Variants in SCMH1 observed in about 807,000 individuals in gnomAD.
SCMH1 encodes the protein Scm polycomb group protein homolog 1.
Under a neutral mutation model 70.8 loss-of-function variants are expected in SCMH1, and 37 were observed. The ratio of observed to expected loss-of-function variants is 0.52; its 90% CI spans 0.40 to 0.69. The LOEUF (loss-of-function observed/expected upper bound fraction) is 0.69, where lower values mean the gene tolerates loss of function less well. Among genes scored for constraint, SCMH1 ranks in the 30% least tolerant of loss-of-function variants. SCMH1 has a pLI of 0.00. For synonymous variants in SCMH1, 292 were observed against 307.4 expected, an observed-to-expected ratio of 0.95 and a Z score of 0.52; for missense variants, 607 against 827.3, an observed-to-expected ratio of 0.73 and a Z score of 3.27.
intron 1 of SCMH1, among the ~76,000 whole-genome samples, chr1:41,223,574 G>A (rs1028036097): frequency 6.6e-6 from 1 of 151,584 alleles, no homozygotes; most frequent in African/African-American, 2.4e-5. Flanking sequence ...ATTTCATTTA[G>A]GGCAGGGACT....
chr1:41,043,912 T>A (rs1228215204), intron 12 of SCMH1: 1 of 152,180 alleles, frequency 6.6e-6, no homozygotes, highest in Non-Finnish European at 1.5e-5. Context: ...CAAGTATGTA[T>A]ATTTATATGT....
At chr1:41,164,667 C>T (rs1646293786) in intron 2 of SCMH1, among the ~76,000 whole-genome samples, 3 of 152,110 alleles carry the variant, frequency 2.0e-5, no homozygotes, top group African/African-American at 4.8e-5. Context: ...CAAAAGCCAA[C>T]CCTCCATTTT....
chr1:41,184,779 G>A (rs970441859), intron 2 of SCMH1, among the ~76,000 whole-genome samples: 2 of 152,094 alleles, frequency 1.3e-5, no homozygotes, highest in African/African-American at 4.8e-5. Flanking sequence ...CAAGCTGAGA[G>A]AAAATTCACA....
At chr1:41,070,855 G>C (rs1656232750) in intron 9 of SCMH1, 134 bp from the exon 10 acceptor site, 4 of 1,101,848 alleles carry the variant, frequency 3.6e-6, no homozygotes, top group Non-Finnish European at 5.2e-6. Context: ...TCTCTACACA[G>C]CATCTGGCTT....
chr1:41,176,120 C>T (rs1353894889), intron 2 of SCMH1, among the ~76,000 whole-genome samples: 1 of 116,926 alleles, frequency 8.6e-6, no homozygotes, highest in Non-Finnish European at 1.7e-5. Flanking sequence ...GCAACCAATG[C>T]AATTTAGAAA....
chr1:41,224,160 CATAGA>C (rs1348990335), intron 1 of SCMH1, among the ~76,000 whole-genome samples: 5 of 152,156 alleles, frequency 3.3e-5, no homozygotes, highest in East Asian at 1.9e-4. Context: ...ACCTAATTTG[CATAGA>C]ATAGAAGCTT....
At chr1:41,062,649 G>C (rs1653092600) in intron 10 of SCMH1, among the ~76,000 whole-genome samples, 1 of 151,296 alleles carries the variant, frequency 6.6e-6, no homozygotes, top group Non-Finnish European at 1.5e-5. Context: ...TGAGGAAGGA[G>C]AATTGCTTGA....
intron 12 of SCMH1, among the ~76,000 whole-genome samples, chr1:41,042,723 C>T (rs968998201): frequency 2.0e-5 from 3 of 152,196 alleles, no homozygotes; most frequent in African/African-American, 7.2e-5. Context: ...CTGCTTTCAC[C>T]ACATACATGT....
At chr1:41,041,309 A>G (rs1444233601) in intron 12 of SCMH1, 1 of 152,332 alleles carries the variant, frequency 6.6e-6, no homozygotes, top group East Asian at 1.9e-4. Flanking sequence ...TTAATTACTT[A>G]CCATATGACA....
At chr1:41,171,005 AC>A (rs2148506122) in intron 2 of SCMH1, among the ~76,000 whole-genome samples, 2 of 152,364 alleles carry the variant, frequency 1.3e-5, no homozygotes, top group South Asian at 4.1e-4. Context: ...TCATCTTGTT[AC>A]TTTTTGTCTT....
At chr1:41,178,515 G>A (rs1647683903) in intron 2 of SCMH1, among the ~76,000 whole-genome samples, 1 of 152,066 alleles carries the variant, frequency 6.6e-6, no homozygotes, top group Non-Finnish European at 1.5e-5. Flanking sequence ...ACACACATAG[G>A]CTCAAAATAA....
intron 4 of SCMH1, among the ~76,000 whole-genome samples, chr1:41,157,038 C>T (rs895813278): frequency 2.0e-5 from 3 of 150,014 alleles, no homozygotes; most frequent in Non-Finnish European, 3.0e-5. Context: ...CTCACTGTAA[C>T]CCCGATCTGG....
intron 1 of SCMH1, among the ~76,000 whole-genome samples, chr1:41,235,196 A>AT (rs1262262066): frequency 6.6e-6 from 1 of 152,208 alleles, no homozygotes; most frequent in Non-Finnish European, 1.5e-5. Flanking sequence ...GTTCACTCTA[A>AT]TATTAGTGGT....
chr1:41,047,887 C>T (rs933657562), intron 11 of SCMH1, among the ~76,000 whole-genome samples: 10 of 152,156 alleles, frequency 6.6e-5, no homozygotes, highest in African/African-American at 2.4e-4. Context: ...TTCTATTCTC[C>T]CCTTCTCCTG....
intron 12 of SCMH1, among the ~76,000 whole-genome samples, chr1:41,045,467 A>C (rs918097561): frequency 3.3e-5 from 5 of 152,332 alleles, no homozygotes; most frequent in Admixed American, 3.3e-4. Context: ...CACATTCTCT[A>C]GAAGCAGTGC....
rs540862827 is a variant in SCMH1 at position 41,046,925 on chromosome 1, T to A, written c.1307-327A>T. ...ACTTGGTTGGACCTCCCCCAGGAAA[T>A]CTGCTCATTTAGGGTGCTATTTTCA... On this transcript the variant is annotated intron_variant, in intron 11 of 14. Transcript: ENST00000337495. 2.0e-5 allele frequency among the ~76,000 whole-genome samples: 3 copies of A among 152,284 alleles called. No individual in the cohort carries two copies. In the East Asian group the frequency reaches 5.8e-4, roughly 29 times the overall value.
intron 7 of SCMH1, among the ~76,000 whole-genome samples, chr1:41,116,171 T>A (rs1670422126): frequency 6.6e-6 from 1 of 152,246 alleles, no homozygotes; most frequent in Admixed American, 6.5e-5. Flanking sequence ...CTAAAACTCA[T>A]CTTTATTTCT....
chr1:41,088,591 C>T (rs1379506606), intron 8 of SCMH1, among the ~76,000 whole-genome samples: 1 of 152,114 alleles, frequency 6.6e-6, no homozygotes, highest in Non-Finnish European at 1.5e-5. Flanking sequence ...GCTTAGTTTC[C>T]TGAGTAGCTA....
At chr1:41,077,881 C>T (rs981066658) in intron 8 of SCMH1, among the ~76,000 whole-genome samples, 1 of 152,050 alleles carries the variant, frequency 6.6e-6, no homozygotes, top group Non-Finnish European at 1.5e-5. Context: ...TTAGACATAA[C>T]AGAGTCAAAA....
Sources: gnomAD v4.1 joint callset for allele counts (sites outside exome capture counted in the v4.1 genomes callset) on GRCh38, gnomAD v4.1.1 for gene constraint, MANE v1.5 for transcripts, NCBI Gene and HGNC (gene_info 2026-07-23, HGNC 2026-07-21) for gene names.